The following COMMD5 variants were observed in gnomAD, a reference collection of about 807,000 sequenced individuals.
The protein encoded by COMMD5 is COMM domain containing 5.
A neutral mutation model predicts 6.9 loss-of-function variants in COMMD5; 10 were observed. The observed-to-expected ratio is 1.44, with a 90% confidence interval of 0.89 to 2.45. The LOEUF is 2.45. Ranked by LOEUF, COMMD5 falls within the 30% of genes most tolerant of loss-of-function variation. The probability of loss-of-function intolerance (pLI) is 0.00; values close to 1 mark genes in which losing one functional copy is unlikely to be tolerated. For missense variants in COMMD5, 234 were observed against 287.8 expected, an observed-to-expected ratio of 0.81 and a Z score of 1.35; for synonymous variants, 127 against 125.3, an observed-to-expected ratio of 1.01 and a Z score of -0.09.
downstream of COMMD5, among the ~76,000 whole-genome samples, chr8:144,849,502 C>G (rs1467334169): frequency 6.6e-6 from 1 of 152,086 alleles, no homozygotes; most frequent in East Asian, 1.9e-4. Context: ...AGACAAACAG[C>G]CAAGCAACCC....
At chr8:144,851,504 A>G (rs1043744164) in intron 1 of COMMD5, 109 bp from the exon 2 acceptor site, 6 of 761,662 alleles carry the variant, frequency 7.9e-6, no homozygotes, top group Admixed American at 2.9e-5. Flanking sequence ...TGAACTACCA[A>G]TGACAGTCAG....
chr8:144,851,010 C>T lies in COMMD5; in HGVS notation c.329G>A (p.Arg110Lys), dbSNP rs752905030. ...PPTSLKPDTF[R>K]DQLQELCIPQ... The stretch of plus-strand genomic sequence containing the variant: ...GATGCAGAGCTCCTGGAGCTGGTCC[C>T]TGAAGGTGTCAGGCTTCAGGCTGGT... Residue 110 changes from arginine (R) to lysine (K), a missense_variant, in exon 2 of 2, where the codon AGG becomes AAG. Arg to Lys is a conservative substitution (Grantham distance 26). Coordinates refer to ENST00000305103, the MANE Select transcript of COMMD5 (RefSeq NM_014066.4). 2 of 1,612,572 alleles carry T rather than the reference C, an allele frequency of 1.2e-6. No homozygotes were observed. Among genetic ancestry groups the T allele is most frequent in the Non-Finnish European group, 1.7e-6 (2 of 1,179,788 alleles).
At position 144,850,747 on chromosome 8, in the gene COMMD5, G is replaced by A; in HGVS notation, c.592C>T (p.Gln198Ter). 1 of 1,614,188 alleles carries A rather than the reference G, an allele frequency of 6.2e-7. No individual in the cohort carries two copies. Residue 198 changes from glutamine to a stop codon, truncating the protein, a stop_gained, in exon 2 of 2, where the codon CAG becomes TAG. Transcript: ENST00000305103. LOFTEE classifies it high-confidence loss of function. The surrounding 1 kb of genome is among the most constrained non-coding windows in gnomAD (Gnocchi z 4.0). ...YRFEVPTAKF[Q>*]ELRYSVALVL... ...AGGGCCACGCTGTACCGCAGCTCCT[G>A]GAACTTGGCTGTGGGGACCTCAAAG...
At chr8:144,845,175 T>C (rs530346695), downstream of COMMD5, among the ~76,000 whole-genome samples, 1 of 152,318 alleles carries the variant, frequency 6.6e-6, no homozygotes, top group East Asian at 1.9e-4. Context: ...ATTTCATTCT[T>C]TGTAGAAGCT....
intron 1 of COMMD5, chr8:144,841,890 C>T (rs751693009): frequency 6.8e-6 from 11 of 1,613,916 alleles, no homozygotes; most frequent in Admixed American, 1.7e-5. Flanking sequence ...TCTTCAGGCT[C>T]TGCTCGCAGC....
At chr8:144,843,164 G>C in intron 1 of COMMD5, 2 of 1,575,358 alleles carry the variant, frequency 1.3e-6, no homozygotes, top group Non-Finnish European at 1.7e-6. Flanking sequence ...ATTCACATGG[G>C]ATAGACCACT....
At chr8:144,838,013 G>C, downstream of COMMD5, 1 of 698,510 alleles carries the variant, frequency 1.4e-6, no homozygotes, top group Non-Finnish European at 2.6e-6. Flanking sequence ...CACAGCTGTG[G>C]AGGCCGGAAA....
exon 2 of COMMD5, chr8:144,841,064 G>T: frequency 2.7e-6 from 1 of 374,008 alleles, no homozygotes; most frequent in South Asian, 4.3e-5. Context: ...GCCTCTGCAT[G>T]GACTGTGCCC....
intron 1 of COMMD5, among the ~76,000 whole-genome samples, chr8:144,844,658 A>G (rs1225298791): frequency 2.0e-5 from 3 of 149,806 alleles, no homozygotes; most frequent in African/African-American, 4.9e-5. Flanking sequence ...GCAGTGAGCC[A>G]AGATCACGCC....
downstream of COMMD5, chr8:144,845,897 G>T: frequency 7.2e-7 from 1 of 1,386,310 alleles, no homozygotes; most frequent in Non-Finnish European, 9.7e-7. Context: ...TGCTGAGAAG[G>T]GTCTTGGCAG....
Position 144,852,721 on chromosome 8 carries a change from C to G in COMMD5, c.-58+118G>C, listed in dbSNP as rs1193083126. ...GAAGGCCGGGTTCGCACCCTGACTC[C>G]GTACCCGCGGCTCTGATGGGGGCGC... On this transcript the variant is annotated intron_variant, in intron 1 of 1. Transcript: ENST00000305103. 7 of 152,410 alleles carry G rather than the reference C, an allele frequency of 4.6e-5. No individual in the cohort carries two copies. The East Asian group carries it at 1.4e-3, about 29-fold the overall frequency. The allele number at this position is 152,410 out of a possible 1,614,324, so 9.4% of individuals were successfully genotyped here. A position where few individuals can be genotyped will look rare whatever the true frequency, so the allele number is the denominator to read the frequency against.
chr8:144,843,384 T>C, intron 1 of COMMD5: 2 of 497,458 alleles, frequency 4.0e-6, no homozygotes, highest in Non-Finnish European at 6.8e-6. Flanking sequence ...GGTCAGGAGG[T>C]TGAGACCATC....
chr8:144,841,370 C>T (rs1435829088), exon 2 of COMMD5: 2 of 1,604,302 alleles, frequency 1.2e-6, no homozygotes. Context: ...ACGATTAGGA[C>T]TGAAAATGAG....
At chr8:144,838,555 T>C (rs931132445), downstream of COMMD5, 41 of 172,794 alleles carry the variant, frequency 2.4e-4, no homozygotes, top group African/African-American at 9.5e-4. Context: ...GTCATCACCG[T>C]CACTCCTGCA....
downstream of COMMD5, chr8:144,846,463 T>C (rs1830516277): frequency 3.1e-6 from 1 of 321,844 alleles, no homozygotes; most frequent in Non-Finnish European, 5.8e-6. Context: ...TCATGGAGCC[T>C]CTGGCGGCTT....
chr8:144,840,992 CCT>C (rs146857463), downstream of COMMD5: 1,676 of 219,818 alleles, frequency 7.6e-3, 26 homozygotes, highest in African/African-American at 0.036. Flanking sequence ...TGCTGGAGCC[CCT>C]GACCCCGCAG....
chr8:144,843,078 C>T (rs145249149), intron 1 of COMMD5: 367 of 1,613,340 alleles, frequency 2.3e-4, no homozygotes, highest in African/African-American at 5.3e-4. Flanking sequence ...GAATTCACAC[C>T]GGGGAGAAGC....
chr8:144,850,763 G>A lies in COMMD5; in HGVS notation c.576C>T (p.Val192=). The A allele has an allele frequency of 1.2e-6, 2 of 1,614,164 alleles. 1 individual carries two copies. The highest frequency in any genetic ancestry group is 2.2e-5 in the South Asian group (2 of 91,078). ...GCAGCTCCTGGAACTTGGCTGTGGG[G>A]ACCTCAAAGCGGTATGCTGACCCAT... is the stretch of plus-strand genomic sequence containing the variant. ...LSDGSAYRFE[V]PTAKFQELRY... The change falls in exon 2 of 2, where the codon GTC becomes GTT. Residue 192 remains valine, a synonymous_variant. Transcript: ENST00000305103. The surrounding 1 kb of genome is among the most constrained non-coding windows in gnomAD (Gnocchi z 4.0).
intron 1 of COMMD5, chr8:144,842,755 G>C: frequency 6.2e-7 from 1 of 1,614,228 alleles, no homozygotes; most frequent in South Asian, 1.1e-5. Flanking sequence ...TCACACTGGA[G>C]AGAGGCCCTA....
Sources: gnomAD v4.1 joint callset for allele counts (sites outside exome capture counted in the v4.1 genomes callset) on GRCh38, gnomAD v4.1.1 for gene constraint, Gnocchi (gnomAD v3.1) non-coding constraint, MANE v1.5 for transcripts, NCBI Gene and HGNC (gene_info 2026-07-23, HGNC 2026-07-21) for gene names.